THSD7B: variants seen among roughly 807,000 people sequenced by gnomAD.
The protein encoded by THSD7B is thrombospondin type 1 domain containing 7B.
A neutral mutation model predicts 213.6 loss-of-function variants in THSD7B; 138 were observed. That is an observed-to-expected ratio of 0.65 (90% CI 0.56 to 0.74). The LOEUF is 0.74. Among genes scored for constraint, THSD7B ranks in the 30% least tolerant of loss-of-function variants. The pLI, the probability that THSD7B is intolerant of heterozygous loss-of-function variation, is 0.00. For synonymous variants in THSD7B, 742 were observed against 687.0 expected (o/e 1.08, Z -1.25); for missense variants, 1,931 against 1,991.5 (o/e 0.97, Z 0.58).
At chr2:137,151,365 A>G (rs528541369) in intron 5 of THSD7B, among the ~76,000 whole-genome samples, 1 of 152,064 alleles carries the variant, frequency 6.6e-6, no homozygotes, top group East Asian at 1.9e-4. Flanking sequence ...TAAGACACAA[A>G]CACACACATT....
At chr2:137,143,859 G>T (rs373880760) in intron 5 of THSD7B, among the ~76,000 whole-genome samples, 1 of 151,898 alleles carries the variant, frequency 6.6e-6, no homozygotes, top group Non-Finnish European at 1.5e-5. Flanking sequence ...ATTGGTTTGG[G>T]ATCTTTTTTT....
At chr2:137,548,152 T>G (rs1680776972) in intron 15 of THSD7B, among the ~76,000 whole-genome samples, 1 of 152,026 alleles carries the variant, frequency 6.6e-6, no homozygotes, top group African/African-American at 2.4e-5. Context: ...GCTCTTCTCA[T>G]TAGCAATACT....
chr2:137,365,601 A>T (rs542449364), intron 12 of THSD7B, among the ~76,000 whole-genome samples: 2 of 152,376 alleles, frequency 1.3e-5, no homozygotes, highest in South Asian at 2.1e-4. Context: ...GACACTTTTC[A>T]AAAGAAGACA....
chr2:137,129,131 AAAG>A (rs1401572311), intron 5 of THSD7B, among the ~76,000 whole-genome samples: 3 of 152,134 alleles, frequency 2.0e-5, no homozygotes, highest in East Asian at 1.9e-4. Context: ...AACCTTTTAT[AAAG>A]AAGAAGATAA....
At chr2:137,220,291 A>G (rs1681340529) in intron 7 of THSD7B, among the ~76,000 whole-genome samples, 1 of 152,162 alleles carries the variant, frequency 6.6e-6, no homozygotes, top group South Asian at 2.1e-4. Flanking sequence ...ATGTGTGACA[A>G]ATAATTTCTT....
chr2:136,990,797 G>T, intron 2 of THSD7B: 1 of 955,004 alleles, frequency 1.0e-6, no homozygotes. Context: ...ATTAGGACAC[G>T]CCACAGTGCC....
chr2:137,592,864 G>A (rs1314089213), intron 17 of THSD7B, among the ~76,000 whole-genome samples: 1 of 151,840 alleles, frequency 6.6e-6, no homozygotes, highest in African/African-American at 2.4e-5. Context: ...CAGTGTATAT[G>A]TACAATTTTC....
chr2:136,924,541 A>C lies in THSD7B; in HGVS notation c.139+42224A>C, dbSNP rs565394464. 4.2e-4 allele frequency among the ~76,000 whole-genome samples: 64 copies of C among 152,060 alleles called. 1 individual carries two copies. In the South Asian group the frequency reaches 9.5e-3, roughly 23 times the overall value. ...CTCTGTTCCACTGGGGGATATATAT[A>C]TATGTTTTTTATGCTAATGCTATGC... is the stretch of plus-strand genomic sequence containing the variant. On this transcript the variant is annotated intron_variant, in intron 2 of 27. Transcript: ENST00000409968.
At chr2:137,242,390 C>G (rs1573907534) in intron 9 of THSD7B, 67 bp from the exon 10 acceptor site, 1 of 1,269,074 alleles carries the variant, frequency 7.9e-7, no homozygotes, top group Non-Finnish European at 1.1e-6. Context: ...TTCTAAAATC[C>G]TATAGTTCTG....
intron 14 of THSD7B, among the ~76,000 whole-genome samples, chr2:137,412,612 AAAAAAAAAC>A (rs1686687632): frequency 1.6e-5 from 2 of 123,624 alleles, no homozygotes; most frequent in African/African-American, 3.6e-5. Flanking sequence ...AAAAAAAAAC[AAAAAAAAAC>A]AAAAAACAGT....
At chr2:137,667,705 T>C in intron 26 of THSD7B, 69 bp from the exon 27 acceptor site, 2 of 1,292,040 alleles carry the variant, frequency 1.5e-6, no homozygotes, top group South Asian at 2.6e-5. Context: ...AGATCTGATG[T>C]TGCCCTATCT....
At chr2:137,202,414 C>A (rs532283858) in intron 7 of THSD7B, among the ~76,000 whole-genome samples, 20 of 152,074 alleles carry the variant, frequency 1.3e-4, no homozygotes, top group African/African-American at 4.8e-4. Context: ...AGACAGACAC[C>A]CAGAAGAGAA....
chr2:136,855,818 C>T (rs1170443795), intron 1 of THSD7B, among the ~76,000 whole-genome samples: 1 of 151,760 alleles, frequency 6.6e-6, no homozygotes, highest in African/African-American at 2.4e-5. Context: ...GATTATGATC[C>T]AACTCCAAGG....
chr2:136,766,433 T>G (rs1216790432), intron 1 of THSD7B, among the ~76,000 whole-genome samples: 1 of 152,130 alleles, frequency 6.6e-6, no homozygotes, highest in East Asian at 1.9e-4. Flanking sequence ...AGGCATATTT[T>G]CTACTGCATC....
intron 2 of THSD7B, among the ~76,000 whole-genome samples, chr2:136,953,448 CAG>C (rs1473186864): frequency 6.6e-6 from 1 of 152,114 alleles, no homozygotes; most frequent in African/African-American, 2.4e-5. Flanking sequence ...GGGACTCAAA[CAG>C]AGAAATGGTA....
At chr2:136,906,395 A>C (rs1456700654) in intron 2 of THSD7B, 2 of 152,192 alleles carry the variant, frequency 1.3e-5, no homozygotes, top group East Asian at 3.8e-4. Context: ...AGAGAAAATG[A>C]GAACAGGGTA....
At chr2:136,883,166 G>A (rs1201769735) in intron 2 of THSD7B, among the ~76,000 whole-genome samples, 2 of 152,004 alleles carry the variant, frequency 1.3e-5, no homozygotes, top group East Asian at 3.9e-4. Flanking sequence ...TGGAAAATGT[G>A]ATGTTATAGA....
intron 5 of THSD7B, among the ~76,000 whole-genome samples, chr2:137,126,677 T>C (rs1231511219): frequency 5.3e-5 from 8 of 152,218 alleles, no homozygotes; most frequent in Non-Finnish European, 1.2e-4. Context: ...CAAAAACTTT[T>C]TCTTTGCATT....
intron 7 of THSD7B, among the ~76,000 whole-genome samples, chr2:137,204,664 G>A (rs1680945801): frequency 6.6e-6 from 1 of 151,868 alleles, no homozygotes; most frequent in Admixed American, 6.6e-5. Context: ...ATTTTTTATT[G>A]AGCACAAATT....
Sources: allele counts gnomAD v4.1 joint callset (sites outside exome capture counted in the v4.1 genomes callset), GRCh38; gene constraint gnomAD v4.1.1; transcripts MANE v1.5; gene names NCBI Gene and HGNC (gene_info 2026-07-23, HGNC 2026-07-21).